The following CPB1 variants were observed in gnomAD, a reference collection of about 807,000 sequenced individuals.
The protein encoded by CPB1 is carboxypeptidase B1, also known as carboxypeptidase B.
Under a neutral mutation model 51.4 loss-of-function variants are expected in CPB1, and 53 were observed. The observed-to-expected ratio is 1.03, with a 90% CI of 0.83 to 1.30. The LOEUF (loss-of-function observed/expected upper bound fraction) is 1.30, where lower values mean the gene tolerates loss of function less well. Ranked by LOEUF, CPB1 falls within the 50% of genes most tolerant of loss-of-function variation. The pLI is 0.00. For missense variants in CPB1, 494 were observed against 516.2 expected (o/e 0.96, Z 0.42); for synonymous variants, 189 against 186.9 (o/e 1.01, Z -0.09).
chr3:148,860,180 T>G lies in CPB1; in HGVS notation c.*178T>G. Reference sequence around the variant, plus strand: ...TCATAATAAAAGTGAATCATTACTATTGGAAAACTTGACATATGGTCTACT... The same window carrying G: ...TCATAATAAAAGTGAATCATTACTAGTGGAAAACTTGACATATGGTCTACT... On this transcript the variant is annotated 3_prime_UTR_variant, in exon 11 of 11. Coordinates refer to ENST00000282957, the MANE Select transcript of CPB1 (RefSeq NM_001871.3). 3.3e-6 allele frequency: 2 copies of G among 604,988 alleles called. No homozygotes were observed. Among genetic ancestry groups the G allele is most frequent in the South Asian group, 4.5e-5 (2 of 44,924 alleles). The allele number at this position is 604,988 out of a possible 1,614,324, so 37.5% of individuals were successfully genotyped here. A position where few individuals can be genotyped will look rare whatever the true frequency, so the allele number is the denominator to read the frequency against.
chr3:148,841,721 G>A (rs1314098015), intron 5 of CPB1, 102 bp from the exon 6 acceptor site: 22 of 749,890 alleles, frequency 2.9e-5, no homozygotes, highest in Non-Finnish European at 4.5e-5. Context: ...TGCTGCTGTC[G>A]GGTTTCACTT....
chr3:148,833,327 C>A (rs1019265529), intron 2 of CPB1, among the ~76,000 whole-genome samples: 7 of 152,104 alleles, frequency 4.6e-5, no homozygotes, highest in Non-Finnish European at 8.8e-5. Context: ...GGGCCTGATT[C>A]GTGACTCACC....
At chr3:148,855,197 G>C (rs1019555350) in intron 9 of CPB1, 1 of 152,206 alleles carries the variant, frequency 6.6e-6, no homozygotes, top group Non-Finnish European at 1.5e-5. Flanking sequence ...GAAGATGAGA[G>C]ATGAGGTGGA....
intron 10 of CPB1, among the ~76,000 whole-genome samples, chr3:148,858,433 G>T (rs536254122): frequency 1.3e-5 from 2 of 151,948 alleles, no homozygotes; most frequent in Non-Finnish European, 2.9e-5. Flanking sequence ...TTAGCCAGGC[G>T]TGGTGGCGGG....
Position 148,845,593 on chromosome 3 carries a change from T to A in CPB1, c.948T>A (p.Tyr316Ter). The change falls in exon 9 of 11, where the codon TAT becomes TAA. Residue 316 changes from tyrosine to a stop codon, truncating the protein, a stop_gained. Coordinates refer to ENST00000282957, the MANE Select transcript of CPB1 (RefSeq NM_001871.3). LOFTEE classifies it high-confidence loss of function. ...AAATGATGATCTACCCTTACTCATA[T>A]GCTTACAAACTCGGTGAGAACAATG... ...YSQMMIYPYS[Y>*]AYKLGENNAE... 1 of 1,613,904 alleles carries A rather than the reference T, an allele frequency of 6.2e-7. No homozygotes were observed. Among genetic ancestry groups the A allele is most frequent in the Non-Finnish European group, 8.5e-7 (1 of 1,179,796 alleles).
At chr3:148,851,646 G>C (rs957323604) in intron 9 of CPB1, 11 of 152,356 alleles carry the variant, frequency 7.2e-5, no homozygotes, top group Admixed American at 2.0e-4. Flanking sequence ...TCTGAGCTTT[G>C]AAGTCTGGGC....
intron 10 of CPB1, 98 bp from the exon 11 acceptor site, chr3:148,859,717 G>A (rs1713693471): frequency 2.5e-6 from 3 of 1,217,672 alleles, no homozygotes; most frequent in South Asian, 3.3e-5. Flanking sequence ...AAAATATTTT[G>A]CACAGTGAAA....
At position 148,828,013 on chromosome 3, in the gene CPB1, T is replaced by C; in HGVS notation, c.83T>C (p.Phe28Ser). ...GGEHFEGEKV[F>S]RVNVEDENHI... ...ATCTCATTATTCAGCGAGAAGGTGTTCCGTGTTAACGTTGAAGATGAAAAT... is the reference window on the plus strand; with the variant it reads ...ATCTCATTATTCAGCGAGAAGGTGTCCCGTGTTAACGTTGAAGATGAAAAT... The change falls in exon 2 of 11, where the codon TTC (phenylalanine) becomes TCC (serine). Residue 28 changes from phenylalanine to serine, a missense_variant. Transcript: ENST00000282957. 6.2e-7 allele frequency: 1 copy of C among 1,614,132 alleles called. No homozygotes were observed. The highest frequency in any genetic ancestry group is 1.7e-5 in the Admixed American group (1 of 60,008).
chr3:148,854,749 C>T (rs750268231), intron 9 of CPB1: 1 of 152,232 alleles, frequency 6.6e-6, no homozygotes, highest in Non-Finnish European at 1.5e-5. Context: ...CCAACAATTC[C>T]TTCCTTCAAG....
At chr3:148,846,226 A>C (rs1212378244) in intron 9 of CPB1, among the ~76,000 whole-genome samples, 1 of 152,200 alleles carries the variant, frequency 6.6e-6, no homozygotes, top group Non-Finnish European at 1.5e-5. Context: ...ACATCAAAAA[A>C]AGCTAGCAAT....
chr3:148,857,632 G>A, intron 10 of CPB1, 91 bp downstream of exon 10: 1 of 855,354 alleles, frequency 1.2e-6, no homozygotes, highest in South Asian at 1.9e-5. Flanking sequence ...ATAGTTTAAA[G>A]CATGTGGCTT....
rs1375084604 is a variant in CPB1 at position 148,844,463 on chromosome 3, A to G, written c.577-15A>G. The G allele has an allele frequency of 6.3e-7, 1 of 1,589,040 alleles. No homozygotes were observed. Among genetic ancestry groups the G allele is most frequent in the Non-Finnish European group, 8.6e-7 (1 of 1,159,166 alleles). On this transcript the variant is annotated splice_polypyrimidine_tract_variant and intron_variant, in intron 6 of 10. Transcript: ENST00000282957. ...CCATTTTTCCATGAAATTCCTCTTC[A>G]TAATTCACATACAGGCTGTTCGTAC...
At chr3:148,852,431 C>G (rs534135748) in intron 9 of CPB1, among the ~76,000 whole-genome samples, 80 of 152,268 alleles carry the variant, frequency 5.3e-4, no homozygotes, top group African/African-American at 1.8e-3. Context: ...CCTCCCATCC[C>G]CAACAAATTA....
At chr3:148,833,305 G>A (rs188624682) in intron 2 of CPB1, among the ~76,000 whole-genome samples, 82 of 152,102 alleles carry the variant, frequency 5.4e-4, no homozygotes, top group Admixed American at 5.3e-3. Context: ...CCATTGCCCT[G>A]ACATTCCTTA....
intron 2 of CPB1, among the ~76,000 whole-genome samples, chr3:148,832,789 C>A (rs1240339954): frequency 6.6e-6 from 1 of 152,142 alleles, no homozygotes; most frequent in East Asian, 1.9e-4. Context: ...CAGGAAAGAG[C>A]CCTCAGGTAC....
rs563633926 is a variant in CPB1 at position 148,839,870 on chromosome 3, C to T, written c.273-816C>T. Among the ~76,000 whole-genome samples the T allele has an allele frequency of 2.8e-4, 42 of 152,190 alleles. No homozygotes were observed. In the South Asian group the frequency reaches 8.1e-3, roughly 29 times the overall value. The stretch of plus-strand genomic sequence containing the variant: ...TACTGTGATCAAGGATACTAATGAT[C>T]ATAAACTTTTCTCTCTTCCAAGCAT... On this transcript the variant is annotated intron_variant, in intron 3 of 10. Transcript: ENST00000282957.
chr3:148,829,972 G>C (rs1388184703), intron 2 of CPB1, among the ~76,000 whole-genome samples: 1 of 152,152 alleles, frequency 6.6e-6, no homozygotes, highest in African/African-American at 2.4e-5. Context: ...TTCATCAAAT[G>C]CTTTACTAAG....
intron 3 of CPB1, among the ~76,000 whole-genome samples, chr3:148,839,873 A>C (rs201095349): frequency 1.3e-5 from 2 of 152,192 alleles, no homozygotes; most frequent in East Asian, 3.8e-4. Context: ...TAATGATCAT[A>C]AACTTTTCTC....
chr3:148,858,769 G>T (rs1270103518), intron 10 of CPB1, among the ~76,000 whole-genome samples: 2 of 152,148 alleles, frequency 1.3e-5, no homozygotes, highest in African/African-American at 4.8e-5. Context: ...TATCTGGAAG[G>T]CACATTCCAC....
Sources: allele counts gnomAD v4.1 joint callset (sites outside exome capture counted in the v4.1 genomes callset), GRCh38; gene constraint gnomAD v4.1.1; transcripts MANE v1.5; gene names NCBI Gene and HGNC (gene_info 2026-07-23, HGNC 2026-07-21).